ZFPM2: variants seen among roughly 807,000 people sequenced by gnomAD.
The protein encoded by ZFPM2 is zinc finger protein ZFPM2.
A neutral mutation model predicts 98.6 loss-of-function variants in ZFPM2; 20 were observed. The observed-to-expected ratio is 0.20, with a 90% CI of 0.14 to 0.29. ZFPM2 has a LOEUF of 0.29. ZFPM2 is among the 10% of genes least tolerant of loss of function. ZFPM2 has a pLI of 1.00. For synonymous variants in ZFPM2, 518 were observed against 502.7 expected, an observed-to-expected ratio of 1.03 and a Z score of -0.41; for missense variants, 1,310 against 1,388.6, an observed-to-expected ratio of 0.94 and a Z score of 0.90.
At chr8:105,787,849 T>G (rs1315701878) in intron 5 of ZFPM2, among the ~76,000 whole-genome samples, 1 of 152,138 alleles carries the variant, frequency 6.6e-6, no homozygotes, top group Non-Finnish European at 1.5e-5. Flanking sequence ...GTGCTTTGCC[T>G]GTCTAAACAT....
At chr8:105,456,588 G>A (rs1159590615) in intron 3 of ZFPM2, among the ~76,000 whole-genome samples, 4 of 152,022 alleles carry the variant, frequency 2.6e-5, no homozygotes, top group Non-Finnish European at 5.9e-5. Flanking sequence ...TTGTATTCCT[G>A]TATTAAACTA....
At chr8:105,378,160 A>G (rs558179077) in intron 1 of ZFPM2, among the ~76,000 whole-genome samples, 1 of 152,304 alleles carries the variant, frequency 6.6e-6, no homozygotes, top group South Asian at 2.1e-4. Context: ...AAAGAGCCCT[A>G]CCTTTAGAGT....
intron 3 of ZFPM2, among the ~76,000 whole-genome samples, chr8:105,532,587 T>C (rs1379805383): frequency 2.6e-5 from 4 of 152,192 alleles, no homozygotes; most frequent in Non-Finnish European, 5.9e-5. Context: ...GATACTATTT[T>C]CCCCCATGTT....
intron 3 of ZFPM2, among the ~76,000 whole-genome samples, chr8:105,494,201 A>ATATATATATG (rs1287658889): frequency 8.2e-6 from 1 of 122,036 alleles, no homozygotes; most frequent in Non-Finnish European, 1.6e-5. Context: ...ATATATATAT[A>ATATATATATG]TATATATATA....
chr8:105,774,710 G>T (rs1813058782), intron 5 of ZFPM2, among the ~76,000 whole-genome samples: 1 of 152,144 alleles, frequency 6.6e-6, no homozygotes, highest in South Asian at 2.1e-4. Flanking sequence ...GATGTTGGTT[G>T]TTCAGAGATG....
intron 3 of ZFPM2, among the ~76,000 whole-genome samples, chr8:105,511,673 T>A (rs908415251): frequency 1.3e-5 from 2 of 152,214 alleles, no homozygotes; most frequent in Admixed American, 6.5e-5. Flanking sequence ...TACCAAAAAG[T>A]GAAATGATCT....
chr8:105,731,956 T>C (rs1811949828), intron 5 of ZFPM2, among the ~76,000 whole-genome samples: 1 of 151,730 alleles, frequency 6.6e-6, no homozygotes, highest in Non-Finnish European at 1.5e-5. Context: ...AGTGCATAAC[T>C]GATGGAGAAT....
At chr8:105,544,372 A>G (rs1346545378) in intron 3 of ZFPM2, among the ~76,000 whole-genome samples, 2 of 152,084 alleles carry the variant, frequency 1.3e-5, no homozygotes, top group African/African-American at 2.4e-5. Flanking sequence ...CCCTCCCCTA[A>G]TGATGTTGGC....
intron 5 of ZFPM2, among the ~76,000 whole-genome samples, chr8:105,720,604 T>C (rs943676341): frequency 3.3e-5 from 5 of 151,912 alleles, no homozygotes; most frequent in Non-Finnish European, 5.9e-5. Flanking sequence ...ATCACCTAAT[T>C]GGAAAAGAAC....
chr8:105,613,163 G>C (rs190543449), intron 4 of ZFPM2, among the ~76,000 whole-genome samples: 10 of 152,190 alleles, frequency 6.6e-5, no homozygotes, highest in Non-Finnish European at 1.0e-4. Context: ...GATTTAATTG[G>C]AGATTTTAAG....
chr8:105,318,997 G>A lies in ZFPM2; in HGVS notation c.40+16G>A. 6.7e-7 allele frequency: 1 copy of A among 1,493,098 alleles called. No homozygotes were observed. Among genetic ancestry groups the A allele is most frequent in the Non-Finnish European group, 9.0e-7 (1 of 1,113,596 alleles). The allele number at this position is 1,493,098 out of a possible 1,614,324, so 92.5% of individuals were successfully genotyped here. A position where few individuals can be genotyped will look rare whatever the true frequency, so the allele number is the denominator to read the frequency against. ...CAGATCAAACGTAAGTTTGCGCGCG[G>A]GGCCGGGAGTTGGTGGGATTATTGC... On this transcript the variant is annotated intron_variant, in intron 1 of 7. Coordinates refer to ENST00000407775, the MANE Select transcript of ZFPM2 (RefSeq NM_012082.4).
intron 4 of ZFPM2, among the ~76,000 whole-genome samples, chr8:105,584,096 CT>C (rs957468562): frequency 4.8e-4 from 73 of 151,292 alleles, no homozygotes; most frequent in African/African-American, 1.2e-3. Context: ...ATATTTTAGT[CT>C]TTTTTTTGGC....
intron 1 of ZFPM2, chr8:105,319,431 C>G (rs189462540): frequency 6.5e-6 from 1 of 153,104 alleles, no homozygotes; most frequent in African/African-American, 2.4e-5. Context: ...GCGGTCGAGA[C>G]CTCGGGGCGA....
chr8:105,502,424 T>C (rs2130476300), intron 3 of ZFPM2, among the ~76,000 whole-genome samples: 1 of 151,936 alleles, frequency 6.6e-6, no homozygotes, highest in African/African-American at 2.4e-5. Context: ...ATGGGAGAAC[T>C]TAAGGAGGTC....
At chr8:105,655,063 G>A (rs901073623) in intron 5 of ZFPM2, among the ~76,000 whole-genome samples, 6 of 151,898 alleles carry the variant, frequency 4.0e-5, no homozygotes, top group South Asian at 4.2e-4. Context: ...AATAAAATCC[G>A]AGGAATAAAA....
At chr8:105,539,205 G>T (rs1814525005) in intron 3 of ZFPM2, among the ~76,000 whole-genome samples, 1 of 152,268 alleles carries the variant, frequency 6.6e-6, no homozygotes, top group East Asian at 1.9e-4. Context: ...CCATCAACAT[G>T]TATGGCTTAC....
intron 6 of ZFPM2, among the ~76,000 whole-genome samples, chr8:105,796,172 A>T (rs1302539994): frequency 6.6e-6 from 1 of 152,150 alleles, no homozygotes; most frequent in Non-Finnish European, 1.5e-5. Context: ...TCTTTCCTGT[A>T]TCTTTACTTT....
intron 5 of ZFPM2, among the ~76,000 whole-genome samples, chr8:105,688,516 A>T (rs932876405): frequency 1.3e-5 from 2 of 152,142 alleles, no homozygotes; most frequent in Admixed American, 6.5e-5. Flanking sequence ...GGGTGGAAGA[A>T]ATAAAATATT....
intron 3 of ZFPM2, among the ~76,000 whole-genome samples, chr8:105,482,882 C>T (rs572374562): frequency 1.2e-3 from 172 of 147,596 alleles, no homozygotes; most frequent in African/African-American, 4.0e-3. Flanking sequence ...TCTTTCTTTC[C>T]TTCCTTCCTT....
Sources: allele counts gnomAD v4.1 joint callset (sites outside exome capture counted in the v4.1 genomes callset), GRCh38; gene constraint gnomAD v4.1.1; transcripts MANE v1.5; gene names NCBI Gene and HGNC (gene_info 2026-07-23, HGNC 2026-07-21).